The following FBRSL1 variants were observed in gnomAD, a reference collection of about 807,000 sequenced individuals.
FBRSL1 encodes the protein fibrosin-1-like protein.
In FBRSL1, 51 loss-of-function variants were observed where a neutral mutation model predicts 89.6. The ratio of observed to expected loss-of-function variants is 0.57; its 90% confidence interval spans 0.45 to 0.72. FBRSL1 has a LOEUF of 0.72. Ranked by LOEUF, FBRSL1 falls within the 30% of genes least tolerant of loss-of-function variation. The pLI, the probability that FBRSL1 is intolerant of heterozygous loss-of-function variation, is 0.00. For missense variants in FBRSL1, 1,618 were observed against 1,451.8 expected, an observed-to-expected ratio of 1.11 and a Z score of -1.86; for synonymous variants, 779 against 681.1, an observed-to-expected ratio of 1.14 and a Z score of -2.24.
intron 5 of FBRSL1, among the ~76,000 whole-genome samples, chr12:132,555,631 C>T (rs146892501): frequency 6.6e-6 from 1 of 152,208 alleles, no homozygotes; most frequent in East Asian, 1.9e-4. Context: ...CTCCAGAGGC[C>T]CCAGAGGAGG....
At position 132,570,136 on chromosome 12, in the gene FBRSL1, C is replaced by T. The variant is rs569313226; in HGVS notation, c.902C>T (p.Pro301Leu). The change falls in exon 7 of 19, where the codon CCG (proline) becomes CTG (leucine). Residue 301 changes from proline to leucine, a missense_variant. Physicochemically the swap from Pro to Leu is moderately conservative, Grantham distance 98 (BLOSUM62 -3). Coordinates refer to ENST00000680143, the MANE Select transcript of FBRSL1 (RefSeq NM_001367871.1). ...PPAPHRHTPQ[P>L]PPPQPRGLLP... ...GCCCCGCACCGCCACACCCCGCAGCCGCCACCCCCGCAGCCCCGCGGCCTG... is the reference window on the plus strand; with the variant it reads ...GCCCCGCACCGCCACACCCCGCAGCTGCCACCCCCGCAGCCCCGCGGCCTG... The T allele has an allele frequency of 1.7e-4, 258 of 1,478,124 alleles. 3 individuals carry two copies. The Middle Eastern group carries it at 2.4e-3, about 14-fold the overall frequency. The allele number at this position is 1,478,124 out of a possible 1,614,324, so 91.6% of individuals were successfully genotyped here. A position where few individuals can be genotyped will look rare whatever the true frequency, so the allele number is the denominator to read the frequency against.
intron 5 of FBRSL1, among the ~76,000 whole-genome samples, chr12:132,549,988 G>T (rs902420908): frequency 6.6e-6 from 1 of 152,210 alleles, no homozygotes; most frequent in East Asian, 1.9e-4. Context: ...AGCTCTGGGC[G>T]GTGTCGGGGA....
chr12:132,518,040 A>T (rs2035003635), intron 2 of FBRSL1, among the ~76,000 whole-genome samples: 1 of 152,120 alleles, frequency 6.6e-6, no homozygotes, highest in East Asian at 1.9e-4. Context: ...GTCCACTCTG[A>T]CACAGCATAG....
At chr12:132,506,074 G>C (rs1011729411) in intron 1 of FBRSL1, among the ~76,000 whole-genome samples, 6 of 152,200 alleles carry the variant, frequency 3.9e-5, no homozygotes, top group Non-Finnish European at 5.9e-5. Context: ...CTGTTCTCTA[G>C]AATGTTCACT....
At position 132,582,157 on chromosome 12, in the gene FBRSL1, C is replaced by A; in HGVS notation, c.2092C>A (p.Pro698Thr). ...EAWNRLHRAP[P>T]SFPAPPPWPK... ...CTGGAACCGACTGCACCGGGCACCG[C>A]CCTCCTTCCCGGCTCCGCCCCCGTG... Residue 698 changes from proline (P) to threonine (T), a missense_variant, in exon 18 of 19, where the codon CCC becomes ACC. Physicochemically the swap from Pro to Thr is conservative, Grantham distance 38. Coordinates refer to ENST00000680143, the MANE Select transcript of FBRSL1 (RefSeq NM_001367871.1). 1.9e-6 allele frequency: 3 copies of A among 1,550,060 alleles called. No individual in the cohort carries two copies. The highest frequency in any genetic ancestry group is 2.6e-6 in the Non-Finnish European group (3 of 1,146,822).
intron 15 of FBRSL1, among the ~76,000 whole-genome samples, chr12:132,578,958 A>C (rs1438488297): frequency 6.6e-6 from 1 of 152,234 alleles, no homozygotes; most frequent in Admixed American, 6.5e-5. Flanking sequence ...GGCTGTCCGC[A>C]TCCTGGCTCA....
In FBRSL1 at chr12:132,583,211, C is replaced by T; in HGVS notation, c.2442C>T (p.Val814=). Residue 814 remains valine, a synonymous_variant, in exon 19 of 19, where the codon GTC becomes GTT. Coordinates refer to ENST00000680143, the MANE Select transcript of FBRSL1 (RefSeq NM_001367871.1). ...HSKAAPGDVK[V]KEERGEDEAS... is the part of the protein sequence containing the mutation. ...AGGCGGCCCCTGGAGACGTGAAGGT[C>T]AAGGAGGAGCGCGGGGAGGACGAGG... 1 of 1,434,326 alleles carries T rather than the reference C, an allele frequency of 7.0e-7. No homozygotes were observed. The highest frequency in any genetic ancestry group is 9.1e-7 in the Non-Finnish European group (1 of 1,095,858). The allele number at this position is 1,434,326 out of a possible 1,614,324, so 88.8% of individuals were successfully genotyped here. A position where few individuals can be genotyped will look rare whatever the true frequency, so the allele number is the denominator to read the frequency against.
chr12:132,513,372 G>A (rs1395179049), intron 2 of FBRSL1, among the ~76,000 whole-genome samples: 1 of 152,104 alleles, frequency 6.6e-6, no homozygotes, highest in Non-Finnish European at 1.5e-5. Context: ...GGCTGCTGTA[G>A]AGGGGGTGGG....
chr12:132,564,746 C>T (rs567201473), intron 5 of FBRSL1, among the ~76,000 whole-genome samples: 17 of 90,962 alleles, frequency 1.9e-4, no homozygotes, highest in South Asian at 3.8e-4. Context: ...CCGCCCTCCT[C>T]GGCCTCCCGA....
At chr12:132,507,201 G>T (rs563750912) in intron 1 of FBRSL1, 74 of 985,616 alleles carry the variant, frequency 7.5e-5, no homozygotes, top group Admixed American at 3.1e-4. Flanking sequence ...CTTGGCAGCA[G>T]CTCTGACATG....
In FBRSL1 at chr12:132,507,517, G is replaced by C. The variant is rs536394165; in HGVS notation, c.292-636G>C. 6.1e-5 allele frequency: 48 copies of C among 788,242 alleles called. No homozygotes were observed. The Middle Eastern group carries it at 1.9e-3, about 32-fold the overall frequency. 48.8% of individuals were successfully genotyped at this position (788,242 alleles called of 1,614,324 possible). A position where few individuals can be genotyped will look rare whatever the true frequency, so the allele number is the denominator to read the frequency against. ...GCAGGCTAGAAGGTGCTCTGAAGGA[G>C]TCGAGATGGGACGAGAGGGGACCAG... On this transcript the variant is annotated intron_variant, in intron 1 of 18. Transcript: ENST00000680143.
At chr12:132,530,922 A>G (rs10870460) in intron 4 of FBRSL1, among the ~76,000 whole-genome samples, 113,635 of 149,434 alleles carry the variant, frequency 0.76, 43,629 homozygotes, top group African/African-American at 0.91. Context: ...GCAGGTGTGC[A>G]CCCGGGGCCT....
intron 2 of FBRSL1, among the ~76,000 whole-genome samples, chr12:132,521,867 G>T (rs1327145787): frequency 2.6e-5 from 4 of 152,214 alleles, no homozygotes; most frequent in African/African-American, 9.7e-5. Flanking sequence ...GGCCTCTTGG[G>T]TGCTCCACTT....
intron 5 of FBRSL1, among the ~76,000 whole-genome samples, chr12:132,563,623 G>C (rs1480884214): frequency 1.3e-5 from 2 of 152,082 alleles, no homozygotes; most frequent in Admixed American, 1.3e-4. Context: ...TCATTTACTG[G>C]CAGTAAAATT....
At chr12:132,556,241 C>T (rs2038624803) in intron 5 of FBRSL1, among the ~76,000 whole-genome samples, 2 of 152,174 alleles carry the variant, frequency 1.3e-5, no homozygotes, top group Admixed American at 1.3e-4. Context: ...TGATGCTGCC[C>T]TCAGGCCTTG....
intron 4 of FBRSL1, among the ~76,000 whole-genome samples, chr12:132,536,984 T>C (rs1390642611): frequency 6.6e-6 from 1 of 152,172 alleles, no homozygotes. Flanking sequence ...CCAGGGGCTC[T>C]GCAGGCACTC....
rs1330117238 is a variant in FBRSL1, at chr12:132,490,763, C to T, written c.193C>T (p.Arg65Cys). 2 of 1,134,520 alleles carry T rather than the reference C, an allele frequency of 1.8e-6. No individual in the cohort carries two copies. The highest frequency in any genetic ancestry group is 1.1e-6 in the Non-Finnish European group (1 of 929,864). The allele number at this position is 1,134,520 out of a possible 1,614,324, so 70.3% of individuals were successfully genotyped here. ...RGAAPAPRTA[R>C]PPRRRRRESS... ...CGCCGCCCCCGCGCCCCGCACCGCGCGTCCCCCGCGCCGCCGCCGCCGCGA... is the reference window on the plus strand; with the variant it reads ...CGCCGCCCCCGCGCCCCGCACCGCGTGTCCCCCGCGCCGCCGCCGCCGCGA... The change falls in exon 1 of 19, where the codon CGT becomes TGT. Residue 65 changes from arginine to cysteine, a missense_variant. Physicochemically the swap from Arg to Cys is radical, Grantham distance 180 (BLOSUM62 -3). Coordinates refer to ENST00000680143, the MANE Select transcript of FBRSL1 (RefSeq NM_001367871.1).
intron 4 of FBRSL1, among the ~76,000 whole-genome samples, chr12:132,531,792 C>T (rs1432643253): frequency 1.3e-5 from 2 of 152,232 alleles, no homozygotes; most frequent in Non-Finnish European, 2.9e-5. Flanking sequence ...CCAGCAGCCT[C>T]CCGTGTTGCT....
chr12:132,573,289 C>T (rs905984867), intron 11 of FBRSL1, among the ~76,000 whole-genome samples: 2 of 152,214 alleles, frequency 1.3e-5, no homozygotes, highest in Admixed American at 6.5e-5. Context: ...CCTGCAGCGC[C>T]CACTCATTGC....
Sources: gnomAD v4.1 joint callset for allele counts (sites outside exome capture counted in the v4.1 genomes callset) on GRCh38, gnomAD v4.1.1 for gene constraint, MANE v1.5 for transcripts, NCBI Gene and HGNC (gene_info 2026-07-23, HGNC 2026-07-21) for gene names.